The following AACS variants were observed in gnomAD, a reference collection of about 807,000 sequenced individuals.
AACS encodes acetoacetyl-CoA synthetase.
AACS carries 69 observed loss-of-function variants against 83.1 expected under a neutral mutation model. That is an observed-to-expected ratio of 0.83 (90% CI 0.68 to 1.01). The LOEUF is 1.01. AACS is among the 50% of genes least tolerant of loss of function. The probability of loss-of-function intolerance (pLI) is 0.00; values close to 1 mark genes in which losing one functional copy is unlikely to be tolerated. For synonymous variants in AACS, 333 were observed against 343.4 expected (o/e 0.97, Z 0.33); for missense variants, 866 against 882.2 (o/e 0.98, Z 0.23).
chr12:125,084,877 T>G (rs1956295800), intron 3 of AACS, among the ~76,000 whole-genome samples: 1 of 152,186 alleles, frequency 6.6e-6, no homozygotes, highest in African/African-American at 2.4e-5. Context: ...CCACCCTGCC[T>G]AGCCTTAGTT....
chr12:125,103,843 C>A (rs927841490), intron 7 of AACS, among the ~76,000 whole-genome samples: 6 of 151,698 alleles, frequency 4.0e-5, no homozygotes, highest in Admixed American at 6.6e-5. Context: ...AAAAAATTAG[C>A]CAGGTGTGGT....
intron 10 of AACS, among the ~76,000 whole-genome samples, chr12:125,119,485 G>A (rs1256982349): frequency 6.6e-6 from 1 of 152,220 alleles, no homozygotes; most frequent in African/African-American, 2.4e-5. Flanking sequence ...TGGACTCAGA[G>A]TTTCACATGA....
At chr12:125,107,306 G>C in intron 8 of AACS, 38 bp downstream of exon 8, 2 of 1,603,602 alleles carry the variant, frequency 1.2e-6, no homozygotes, top group Non-Finnish European at 1.7e-6. Flanking sequence ...GCCTCCTGTT[G>C]TCTGTTTGCT....
intron 9 of AACS, among the ~76,000 whole-genome samples, chr12:125,117,345 C>A (rs1046501346): frequency 7.3e-5 from 11 of 151,622 alleles, no homozygotes; most frequent in African/African-American, 2.7e-4. Context: ...ACCCAGGAGG[C>A]AGAGGTTGCA....
chr12:125,080,255 C>T (rs932742669), intron 3 of AACS, among the ~76,000 whole-genome samples: 6 of 152,244 alleles, frequency 3.9e-5, no homozygotes, highest in Admixed American at 6.5e-5. Context: ...TGTGCTTTAA[C>T]CCAATGTCTC....
intron 17 of AACS, chr12:125,138,423 T>C (rs1375661212): frequency 6.6e-6 from 1 of 152,256 alleles, no homozygotes; most frequent in East Asian, 1.9e-4. Context: ...GTGACCCTTA[T>C]TGTCTTTTTC....
rs140426677 is a variant in AACS at position 125,065,625 on chromosome 12, A to T, written c.41A>T (p.Glu14Val). 33 of 1,538,688 alleles carry T rather than the reference A, an allele frequency of 2.1e-5. No homozygotes were observed. In the African/African-American group the frequency reaches 3.8e-4, roughly 18 times the overall value. Residue 14 changes from glutamate (E) to valine (V), a missense_variant, in exon 1 of 18, where the codon GAG (glutamate) becomes GTG (valine). Coordinates refer to ENST00000316519, the MANE Select transcript of AACS (RefSeq NM_023928.5). ...CGCCCCGGTCGGGAGGAGATCCTGG[A>T]GTGCCAGGTGATGTGGGAGCCTGAC... Reference protein sequence around the residue: ...EERPGREEILECQVMWEPDSK... With the variant: ...EERPGREEILVCQVMWEPDSK...
At chr12:125,067,542 ATTT>A (rs35230801) in intron 1 of AACS, among the ~76,000 whole-genome samples, 1 of 148,524 alleles carries the variant, frequency 6.7e-6, no homozygotes, top group Admixed American at 6.7e-5. Flanking sequence ...GACTATCTGG[ATTT>A]TTTTTTTTTT....
rs888553883 is a variant in AACS, at chr12:125,140,904, T to C, written c.1882-1188T>C. The C allele has an allele frequency of 2.0e-5, 3 of 152,190 alleles. No homozygotes were observed. Among genetic ancestry groups the C allele is most frequent in the African/African-American group, 7.2e-5 (3 of 41,438 alleles). 9.4% of individuals were successfully genotyped at this position (152,190 alleles called of 1,614,324 possible). ...ACTTCTGAAGTAATGGCAATATCAA[T>C]AAAGTAATGGTCTTTATCATAGAAT... is the stretch of plus-strand genomic sequence containing the variant. On this transcript the variant is annotated intron_variant, in intron 17 of 17. Transcript: ENST00000316519. The surrounding 1 kb of genome is among the most constrained non-coding windows in gnomAD (Gnocchi z 5.1).
intron 4 of AACS, 28 bp from the exon 5 acceptor site, chr12:125,091,398 A>T: frequency 1.2e-6 from 2 of 1,612,516 alleles, no homozygotes; most frequent in Non-Finnish European, 1.7e-6. Flanking sequence ...CCCTGAACCC[A>T]AGGCTTCTTC....
intron 8 of AACS, among the ~76,000 whole-genome samples, chr12:125,107,495 G>A (rs889584083): frequency 6.6e-6 from 1 of 152,234 alleles, no homozygotes; most frequent in Admixed American, 6.5e-5. Context: ...ACACCATGGC[G>A]ATAGGCTTGG....
At chr12:125,080,923 C>A (rs376312535) in intron 3 of AACS, among the ~76,000 whole-genome samples, 2 of 152,044 alleles carry the variant, frequency 1.3e-5, no homozygotes, top group Non-Finnish European at 2.9e-5. Context: ...CATCTCCTGA[C>A]CTCGTGATCC....
chr12:125,074,138 C>T (rs962322609), intron 2 of AACS, among the ~76,000 whole-genome samples, 159 bp downstream of exon 2: 5 of 152,200 alleles, frequency 3.3e-5, no homozygotes, highest in African/African-American at 1.2e-4. Flanking sequence ...TTATCACAGA[C>T]CTCATCGAGA....
At chr12:125,108,699 G>A (rs938786810) in intron 8 of AACS, among the ~76,000 whole-genome samples, 1 of 151,468 alleles carries the variant, frequency 6.6e-6, no homozygotes, top group African/African-American at 2.4e-5. Flanking sequence ...ATGGAGTCTT[G>A]ATCTGTCGCC....
Position 125,124,616 on chromosome 12 carries a change from C to G in AACS, c.1122-89C>G, listed in dbSNP as rs962391483. On this transcript the variant is annotated intron_variant, in intron 10 of 17. Coordinates refer to ENST00000316519, the MANE Select transcript of AACS (RefSeq NM_023928.5). ...ACTGCTCTCTCTTGGGTTTTGCAAA[C>G]TTGTCAGAAATAAATCACTAACTTT... 3 of 1,534,228 alleles carry G rather than the reference C, an allele frequency of 2.0e-6. No homozygotes were observed. The African/African-American group carries it at 4.1e-5, about 21-fold the overall frequency.
intron 2 of AACS, among the ~76,000 whole-genome samples, chr12:125,075,997 G>C (rs555720858): frequency 2.0e-5 from 3 of 152,172 alleles, no homozygotes; most frequent in Non-Finnish European, 2.9e-5. Flanking sequence ...ATTCAAAGTC[G>C]AATTTATTGT....
At position 125,094,230 on chromosome 12, in the gene AACS, A is replaced by G. The variant is rs1423993030; in HGVS notation, c.570+2707A>G. Among the ~76,000 whole-genome samples, 6 of 152,136 alleles carry G rather than the reference A, an allele frequency of 3.9e-5. No individual in the cohort carries two copies. Among genetic ancestry groups the G allele is most frequent in the African/African-American group, 1.2e-4 (5 of 41,440 alleles). On this transcript the variant is annotated intron_variant, in intron 5 of 17. Coordinates refer to ENST00000316519, the MANE Select transcript of AACS (RefSeq NM_023928.5). This position sits in a 1 kb window ranked among gnomAD's most constrained non-coding sequence, Gnocchi z 4.1. ...AAAAGAGATCCTGTTTTTAATTTCC[A>G]TCATCACCATGTTAAACTTCAGACT...
intron 5 of AACS, among the ~76,000 whole-genome samples, chr12:125,099,802 A>G (rs950713401): frequency 1.7e-4 from 26 of 151,660 alleles, no homozygotes; most frequent in Admixed American, 1.4e-3. Flanking sequence ...CAGCCTCCCA[A>G]GTAGCAGGGA....
intron 10 of AACS, chr12:125,121,765 G>C (rs1338960929): frequency 1.3e-5 from 2 of 152,280 alleles, no homozygotes; most frequent in East Asian, 1.9e-4. Context: ...CTAGAGGGCA[G>C]GGGCCTCGTG....
Sources: gnomAD v4.1 joint callset for allele counts (sites outside exome capture counted in the v4.1 genomes callset) on GRCh38, gnomAD v4.1.1 for gene constraint, Gnocchi (gnomAD v3.1) non-coding constraint, MANE v1.5 for transcripts, NCBI Gene and HGNC (gene_info 2026-07-23, HGNC 2026-07-21) for gene names.